PRKG1: variants seen among roughly 807,000 people sequenced by gnomAD.
PRKG1 encodes protein kinase cGMP-dependent 1, also known as cGMP-dependent protein kinase 1.
A neutral mutation model predicts 88.1 loss-of-function variants in PRKG1; 35 were observed. That is an observed-to-expected ratio of 0.40 (90% CI 0.30 to 0.53). The LOEUF (loss-of-function observed/expected upper bound fraction) is 0.53. PRKG1 is among the 20% of genes least tolerant of loss of function. The pLI is 0.59. For synonymous variants in PRKG1, 303 were observed against 292.5 expected (o/e 1.04, Z -0.37); for missense variants, 540 against 839.8 (o/e 0.64, Z 4.41).
intron 2 of PRKG1, among the ~76,000 whole-genome samples, chr10:51,314,290 T>A (rs1841265506): frequency 6.6e-6 from 1 of 152,136 alleles, no homozygotes; most frequent in Non-Finnish European, 1.5e-5. Flanking sequence ...GCAGAGTCCC[T>A]CTGTAATATG....
chr10:51,667,154 A>G (rs1840442507), intron 3 of PRKG1, among the ~76,000 whole-genome samples: 1 of 152,220 alleles, frequency 6.6e-6, no homozygotes, highest in South Asian at 2.1e-4. Context: ...ATATAAATGT[A>G]CTGCCAAAAG....
At chr10:52,022,145 A>G (rs1845202708) in intron 5 of PRKG1, among the ~76,000 whole-genome samples, 2 of 152,204 alleles carry the variant, frequency 1.3e-5, no homozygotes, top group Non-Finnish European at 2.9e-5. Context: ...GATACTCTAC[A>G]GTGTACTGTG....
chr10:51,604,187 A>C (rs2132231670), intron 3 of PRKG1, among the ~76,000 whole-genome samples: 1 of 151,654 alleles, frequency 6.6e-6, no homozygotes, highest in Admixed American at 6.6e-5. Flanking sequence ...TTATATTCTC[A>C]AGGTATTCCA....
chr10:51,153,246 G>A lies in PRKG1; in HGVS notation c.394G>A (p.Asp132Asn). ...LELSQIQEIV[D>N]CMYPVEYGKD... The stretch of plus-strand genomic sequence containing the variant: ...GCTGTCGCAGATCCAGGAGATTGTG[G>A]ATTGTATGTACCCGGTGGAGTATGG... The change falls in exon 2 of 18, where the codon GAT (aspartate) becomes AAT (asparagine). Residue 132 changes from aspartate to asparagine, a missense_variant. This residue lies in a region of PRKG1 where 400 missense variants were observed against 562.7 expected (regional missense o/e 0.71). Transcript: ENST00000373980. The A allele has an allele frequency of 6.2e-7, 1 of 1,612,612 alleles. No individual in the cohort carries two copies. Among genetic ancestry groups the A allele is most frequent in the Non-Finnish European group, 8.5e-7 (1 of 1,179,018 alleles).
chr10:51,027,411 G>A (rs963578517), intron 1 of PRKG1, among the ~76,000 whole-genome samples: 3 of 152,086 alleles, frequency 2.0e-5, no homozygotes, highest in Non-Finnish European at 4.4e-5. Context: ...TCACCTAAAG[G>A]CTATTGGGCA....
upstream of PRKG1, chr10:51,074,298 G>C (rs1171564158): frequency 7.8e-6 from 3 of 386,982 alleles, no homozygotes. Context: ...CTTCTCCCCC[G>C]CGCCGCGGCG....
chr10:52,132,056 T>C (rs1404721451), intron 7 of PRKG1, among the ~76,000 whole-genome samples: 4 of 151,874 alleles, frequency 2.6e-5, no homozygotes, highest in Non-Finnish European at 5.9e-5. Flanking sequence ...AAGAAAAACA[T>C]AATATGCAAC....
At chr10:51,426,808 C>T (rs1010600732) in intron 2 of PRKG1, among the ~76,000 whole-genome samples, 7 of 152,108 alleles carry the variant, frequency 4.6e-5, no homozygotes, top group South Asian at 2.1e-4. Flanking sequence ...ATTCTGAGCA[C>T]GTATAAAAAT....
intron 4 of PRKG1, among the ~76,000 whole-genome samples, chr10:51,853,027 T>C (rs1840596914): frequency 6.6e-6 from 1 of 152,142 alleles, no homozygotes; most frequent in Non-Finnish European, 1.5e-5. Flanking sequence ...CTCAAACTGG[T>C]GTACACATAT....
At chr10:51,182,410 C>A (rs1303477172) in intron 2 of PRKG1, among the ~76,000 whole-genome samples, 1 of 152,172 alleles carries the variant, frequency 6.6e-6, no homozygotes, top group Non-Finnish European at 1.5e-5. Context: ...TATCCCAGGG[C>A]AGCTATGGTG....
In PRKG1 at chr10:51,155,422, T is replaced by A. The variant is rs557819859; in HGVS notation, c.478+2092T>A. Among the ~76,000 whole-genome samples the A allele has an allele frequency of 3.9e-5, 6 of 152,178 alleles. No individual in the cohort carries two copies. In the South Asian group the frequency reaches 1.2e-3, roughly 32 times the overall value. On this transcript the variant is annotated intron_variant, in intron 2 of 17. Coordinates refer to ENST00000373980, the MANE Select transcript of PRKG1 (RefSeq NM_006258.4). ...TCAAACAATACTGTGAGGTAAAGGC[T>A]AATATTTATTATTCCATTTTGTAGA... is the stretch of plus-strand genomic sequence containing the variant.
chr10:52,105,292 T>C (rs1294081770), intron 7 of PRKG1, among the ~76,000 whole-genome samples: 3 of 152,314 alleles, frequency 2.0e-5, no homozygotes, highest in Middle Eastern at 3.4e-3. Context: ...AAAAATACTT[T>C]ATGTTATAGT....
chr10:51,565,482 A>C (rs1837575574), intron 3 of PRKG1, among the ~76,000 whole-genome samples: 1 of 152,132 alleles, frequency 6.6e-6, no homozygotes, highest in Non-Finnish European at 1.5e-5. Context: ...CAGTACTGAA[A>C]GTGCCCAAGT....
intron 2 of PRKG1, among the ~76,000 whole-genome samples, chr10:51,202,005 C>T (rs1377424312): frequency 3.3e-5 from 5 of 152,180 alleles, no homozygotes; most frequent in Admixed American, 1.3e-4. Context: ...ACTGACTGAA[C>T]ATCTACTGTT....
At chr10:52,098,354 G>A (rs1022757138) in intron 7 of PRKG1, among the ~76,000 whole-genome samples, 7 of 152,232 alleles carry the variant, frequency 4.6e-5, no homozygotes, top group Middle Eastern at 3.4e-3. Context: ...TTATAGGAGC[G>A]TAGTGAATAT....
At chr10:51,067,264 A>ATG (rs960006788) in intron 1 of PRKG1, among the ~76,000 whole-genome samples, 10 of 80,084 alleles carry the variant, frequency 1.2e-4, no homozygotes, top group African/African-American at 4.4e-4. Flanking sequence ...GTTTGTATGT[A>ATG]TGTGTGTATA....
chr10:51,790,926 A>G (rs1367777994), intron 3 of PRKG1, among the ~76,000 whole-genome samples: 2 of 152,138 alleles, frequency 1.3e-5, no homozygotes, highest in African/African-American at 2.4e-5. Flanking sequence ...TTATTTTATT[A>G]GTTGGTCTAC....
At chr10:52,252,371 G>A (rs1183670160) in intron 10 of PRKG1, 1 of 152,052 alleles carries the variant, frequency 6.6e-6, no homozygotes, top group Non-Finnish European at 1.5e-5. Context: ...CTGACATAGT[G>A]TCACAAGAAT....
At chr10:51,126,636 C>T (rs1359260595) in intron 1 of PRKG1, among the ~76,000 whole-genome samples, 4 of 151,654 alleles carry the variant, frequency 2.6e-5, no homozygotes, top group African/African-American at 7.3e-5. Context: ...TCATTTGGAA[C>T]CCAAAAGAGC....
Sources: gnomAD v4.1 joint callset for allele counts (sites outside exome capture counted in the v4.1 genomes callset) on GRCh38, gnomAD v4.1.1 for gene constraint, gnomAD v4.1.1 regional missense constraint, MANE v1.5 for transcripts, NCBI Gene and HGNC (gene_info 2026-07-23, HGNC 2026-07-21) for gene names.